The following NRG3 variants were observed in gnomAD, a reference collection of about 807,000 sequenced individuals.
NRG3 encodes the protein neuregulin 3.
In NRG3, 31 loss-of-function variants were observed where a neutral mutation model predicts 66.9. The observed-to-expected ratio is 0.46, with a 90% CI of 0.35 to 0.63. The LOEUF is 0.63. NRG3 is among the 20% of genes least tolerant of loss of function. The pLI is 0.00. For missense variants in NRG3, 910 were observed against 878.9 expected, an observed-to-expected ratio of 1.04 and a Z score of -0.45; for synonymous variants, 393 against 359.4, an observed-to-expected ratio of 1.09 and a Z score of -1.06.
intron 3 of NRG3, among the ~76,000 whole-genome samples, chr10:82,764,992 T>G (rs376354555): frequency 9.2e-5 from 14 of 152,182 alleles, no homozygotes; most frequent in East Asian, 5.8e-4. Context: ...TTATTCAGTA[T>G]GATCCAATAT....
At chr10:82,078,628 G>A (rs1487930994) in intron 1 of NRG3, among the ~76,000 whole-genome samples, 2 of 152,200 alleles carry the variant, frequency 1.3e-5, no homozygotes, top group Admixed American at 6.5e-5. Flanking sequence ...GGGATTACAG[G>A]TATACACCTT....
chr10:82,310,875 A>G (rs1252156212), intron 1 of NRG3, among the ~76,000 whole-genome samples: 1 of 152,202 alleles, frequency 6.6e-6, no homozygotes, highest in Non-Finnish European at 1.5e-5. Context: ...GGTAAAAGGA[A>G]TACATCATCA....
At chr10:82,833,555 A>C (rs2135694736) in intron 3 of NRG3, among the ~76,000 whole-genome samples, 1 of 152,230 alleles carries the variant, frequency 6.6e-6, no homozygotes, top group African/African-American at 2.4e-5. Flanking sequence ...TACTTGATGG[A>C]ATCCATGTTC....
chr10:82,014,351 A>T (rs1272530257), intron 1 of NRG3, among the ~76,000 whole-genome samples: 1 of 152,176 alleles, frequency 6.6e-6, no homozygotes, highest in Non-Finnish European at 1.5e-5. Flanking sequence ...TGACTTACCC[A>T]AGGTCCCACC....
intron 1 of NRG3, among the ~76,000 whole-genome samples, chr10:82,354,014 C>CTTTTTTTTTTT (rs869307444): frequency 1.1e-4 from 12 of 112,604 alleles, no homozygotes; most frequent in African/African-American, 1.9e-4. Context: ...CACTATAACA[C>CTTTTTTTTTTT]TTTTTTTTTT....
chr10:82,560,687 T>C (rs2044979414), intron 2 of NRG3, among the ~76,000 whole-genome samples: 1 of 151,272 alleles, frequency 6.6e-6, no homozygotes, highest in African/African-American at 2.4e-5. Flanking sequence ...CACTTCCATC[T>C]TATCCATATC....
intron 1 of NRG3, among the ~76,000 whole-genome samples, chr10:81,951,949 AGGAT>A (rs1478440520): frequency 2.9e-4 from 44 of 152,184 alleles, no homozygotes; most frequent in Non-Finnish European, 7.3e-5. Flanking sequence ...GCCATAAAAA[AGGAT>A]GAGTTCATGT....
At chr10:82,537,630 T>C (rs1251775947) in intron 2 of NRG3, among the ~76,000 whole-genome samples, 1 of 152,164 alleles carries the variant, frequency 6.6e-6, no homozygotes, top group Admixed American at 6.5e-5. Context: ...TATACAGCCT[T>C]CAAGTAAGAA....
intron 2 of NRG3, among the ~76,000 whole-genome samples, chr10:82,640,995 A>C (rs2050532578): frequency 1.4e-5 from 2 of 145,512 alleles, no homozygotes; most frequent in African/African-American, 2.5e-5. Context: ...GGGTCTTTAA[A>C]TTTTTCAGTC....
At chr10:82,247,531 C>A (rs892791823) in intron 1 of NRG3, among the ~76,000 whole-genome samples, 1 of 152,104 alleles carries the variant, frequency 6.6e-6, no homozygotes, top group South Asian at 2.1e-4. Flanking sequence ...GGAATTTCAA[C>A]ATATGGGTTT....
chr10:82,814,884 G>A (rs748476135), intron 3 of NRG3, among the ~76,000 whole-genome samples: 3 of 152,128 alleles, frequency 2.0e-5, no homozygotes, highest in Non-Finnish European at 4.4e-5. Context: ...TCACAACTCT[G>A]TGTTGTGCCA....
intron 3 of NRG3, among the ~76,000 whole-genome samples, chr10:82,816,439 C>A: frequency 6.6e-6 from 1 of 152,124 alleles, no homozygotes; most frequent in East Asian, 1.9e-4. Context: ...AGCTACTTTT[C>A]ACAGACAGGT....
chr10:81,893,412 A>T (rs1033935332), intron 1 of NRG3, among the ~76,000 whole-genome samples: 1 of 152,110 alleles, frequency 6.6e-6, no homozygotes, highest in East Asian at 1.9e-4. Flanking sequence ...ATTATATAAA[A>T]TTATGCCCTG....
intron 1 of NRG3, among the ~76,000 whole-genome samples, chr10:81,906,825 G>GC: frequency 6.6e-6 from 1 of 152,282 alleles, no homozygotes; most frequent in East Asian, 1.9e-4. Context: ...TATTAGCATG[G>GC]CCTGGAGTGG....
At chr10:82,530,611 T>G (rs1847153380) in intron 2 of NRG3, among the ~76,000 whole-genome samples, 1 of 151,908 alleles carries the variant, frequency 6.6e-6, no homozygotes, top group Admixed American at 6.6e-5. Context: ...TTTAATAAAA[T>G]TATGCATTCC....
intron 2 of NRG3, among the ~76,000 whole-genome samples, chr10:82,586,674 A>G (rs964232913): frequency 4.6e-5 from 7 of 152,324 alleles, no homozygotes; most frequent in Middle Eastern, 3.4e-3. Flanking sequence ...CTGGTGATCA[A>G]TTAGATTCTA....
rs181575718 is a variant in NRG3, at chr10:82,331,636, C to T, written c.824-27103C>T. On this transcript the variant is annotated intron_variant, in intron 1 of 8. Transcript: ENST00000372141. ...TATGTTTTAACTTGGTCACTCCCCA[C>T]TGAGGAACTATTTTTTTTCTCTTTT... 4.6e-5 allele frequency among the ~76,000 whole-genome samples: 7 copies of T among 152,324 alleles called. No homozygotes were observed. In the East Asian group the frequency reaches 1.3e-3, roughly 29 times the overall value.
rs1843651535 is a variant in NRG3, at chr10:82,496,516, ATTGT to A, written c.953+137651_953+137654del. 2.6e-5 allele frequency among the ~76,000 whole-genome samples: 4 copies of A among 152,224 alleles called. No homozygotes were observed. The South Asian group carries it at 8.3e-4, about 32-fold the overall frequency. On this transcript the variant is annotated intron_variant, in intron 2 of 8. Transcript: ENST00000372141. The stretch of plus-strand genomic sequence containing the variant: ...GTTCCCAGAACTCTCTATTGACATG[ATTGT>A]TTATTTCTCTTTCTGCCTTTAATGT...
intron 1 of NRG3, among the ~76,000 whole-genome samples, chr10:82,291,689 A>G (rs1408223321): frequency 6.6e-6 from 1 of 152,208 alleles, no homozygotes; most frequent in Non-Finnish European, 1.5e-5. Flanking sequence ...CAAAGGCACA[A>G]AAGCAATTCA....
Sources: allele counts gnomAD v4.1 joint callset (sites outside exome capture counted in the v4.1 genomes callset), GRCh38; gene constraint gnomAD v4.1.1; transcripts MANE v1.5; gene names NCBI Gene and HGNC (gene_info 2026-07-23, HGNC 2026-07-21).